The following COG1 variants were observed in gnomAD, a reference collection of about 807,000 sequenced individuals.
COG1 encodes component of oligomeric golgi complex 1.
COG1 carries 61 observed loss-of-function variants against 102.2 expected under a neutral mutation model. The ratio of observed to expected loss-of-function variants is 0.60; its 90% CI spans 0.49 to 0.74. The LOEUF (loss-of-function observed/expected upper bound fraction) is 0.74, where lower values mean the gene tolerates loss of function less well. Ranked by LOEUF, COG1 falls within the 30% of genes least tolerant of loss-of-function variation. The pLI is 0.00. For missense variants in COG1, 1,164 were observed against 1,232.1 expected, an observed-to-expected ratio of 0.94 and a Z score of 0.83; for synonymous variants, 454 against 493.6, an observed-to-expected ratio of 0.92 and a Z score of 1.06.
At chr17:73,198,355 C>T (rs2061333626) in intron 4 of COG1, among the ~76,000 whole-genome samples, 1 of 152,186 alleles carries the variant, frequency 6.6e-6, no homozygotes, top group South Asian at 2.1e-4. Context: ...GTAATCCCAG[C>T]ACTTTGGAAG....
In COG1 at chr17:73,196,703, C is replaced by T. The variant is rs2061326485; in HGVS notation, c.512C>T (p.Ser171Phe). 6.2e-7 allele frequency: 1 copy of T among 1,614,148 alleles called. No homozygotes were observed. Among genetic ancestry groups the T allele is most frequent in the South Asian group, 1.1e-5 (1 of 91,078 alleles). The part of the protein sequence containing the change: ...SSSSRYSPVL[S>F]RFPILIRQVA... ...AGTTCCCGATACAGTCCCGTCCTCT[C>T]CCGGTTTCCTATACTCATCCGGCAG... Residue 171 changes from serine to phenylalanine, a missense_variant, in exon 2 of 14, where the codon TCC becomes TTC. Physicochemically the swap from Ser to Phe is radical, Grantham distance 155. Transcript: ENST00000299886.
rs1378281647 is a variant in COG1 at position 73,201,150 on chromosome 17, C to T, written c.1323C>T (p.Ser441=). 33 of 1,614,112 alleles carry T rather than the reference C, an allele frequency of 2.0e-5. No homozygotes were observed. Among genetic ancestry groups the T allele is most frequent in the Non-Finnish European group, 2.8e-5 (33 of 1,180,052 alleles). Reference sequence around the variant, plus strand: ...GCTTTGACTCCATCTCCAGTAGCTCCAAGGAGCTCTTGGTTTCAGCTTTGC... The same window carrying T: ...GCTTTGACTCCATCTCCAGTAGCTCTAAGGAGCTCTTGGTTTCAGCTTTGC... ...KEGFDSISSS[S]KELLVSALQE... is the part of the protein sequence containing the mutation. The change falls in exon 7 of 14, where the codon TCC becomes TCT. Residue 441 remains serine (S), a synonymous_variant. Coordinates refer to ENST00000299886, the MANE Select transcript of COG1 (RefSeq NM_018714.3).
intron 6 of COG1, 126 bp downstream of exon 6, chr17:73,200,902 T>C: frequency 9.8e-7 from 1 of 1,015,266 alleles, no homozygotes; most frequent in Non-Finnish European, 1.5e-6. Context: ...ATCCAGAGTC[T>C]AGAGCTGAAA....
rs1433677198 is a variant in COG1 at position 73,203,061 on chromosome 17, C to T, written c.2135C>T (p.Thr712Ile). 4 of 1,614,048 alleles carry T rather than the reference C, an allele frequency of 2.5e-6. No individual in the cohort carries two copies. The highest frequency in any genetic ancestry group is 1.7e-5 in the Admixed American group (1 of 60,006). ...LLDDAGSVLA[T>I]ATSWDELEIQ... ...GATGATGCTGGCTCAGTTCTGGCCA[C>T]AGCCACCAGCTGGGATGAGCTAGAA... The change falls in exon 8 of 14, where the codon ACA (threonine) becomes ATA (isoleucine). Residue 712 changes from threonine to isoleucine, a missense_variant. By Grantham distance (89) the Thr-to-Ile change is moderately conservative. Transcript: ENST00000299886.
chr17:73,197,787 G>A (rs2061331436), intron 4 of COG1, among the ~76,000 whole-genome samples: 1 of 152,220 alleles, frequency 6.6e-6, no homozygotes, highest in Non-Finnish European at 1.5e-5. Flanking sequence ...GATGTGCAAA[G>A]ATCCTGAGGC....
At position 73,196,565 on chromosome 17, in the gene COG1, T is replaced by A. The variant is rs774460189; in HGVS notation, c.374T>A (p.Leu125Ter). Reference sequence around the variant, plus strand: ...ATGGCTGCCCAGATCAAGCTACTCTTAGAAATTCCGGAGAAGATCTGGAGC... The same window carrying A: ...ATGGCTGCCCAGATCAAGCTACTCTAAGAAATTCCGGAGAAGATCTGGAGC... ...YSMAAQIKLL[L>*]EIPEKIWSSM... is the part of the protein sequence containing the mutation. Residue 125 changes from leucine (L) to a stop codon, truncating the protein, a stop_gained, in exon 2 of 14, where the codon TTA becomes TAA. Transcript: ENST00000299886. LOFTEE classifies it high-confidence loss of function. 2 of 1,614,100 alleles carry A rather than the reference T, an allele frequency of 1.2e-6. No homozygotes were observed. The highest frequency in any genetic ancestry group is 2.7e-5 in the African/African-American group (2 of 74,926).
intron 9 of COG1, 131 bp from the exon 10 acceptor site, chr17:73,205,422 G>C: frequency 1.1e-6 from 1 of 920,270 alleles, no homozygotes; most frequent in Non-Finnish European, 1.8e-6. Flanking sequence ...GATTAAACTG[G>C]CCATATGAGC....
chr17:73,194,130 C>T (rs1446030781), intron 1 of COG1, among the ~76,000 whole-genome samples: 2 of 152,014 alleles, frequency 1.3e-5, no homozygotes, highest in Non-Finnish European at 2.9e-5. Flanking sequence ...CATATTGGAG[C>T]TGCAGCTTGC....
chr17:73,205,623 T>C lies in COG1; in HGVS notation c.2453T>C (p.Ile818Thr). ...CTTTATGATCTGCGTTACCTCAACA[T>C]TGTTCTGACAGCCAAGGGTGACGAG... ...QLLYDLRYLNIVLTAKGDEVK... is the reference protein window; with the variant it reads ...QLLYDLRYLNTVLTAKGDEVK... Residue 818 changes from isoleucine to threonine, a missense_variant, in exon 10 of 14, where the codon ATT becomes ACT. By Grantham distance (89) the Ile-to-Thr change is moderately conservative (BLOSUM62 -1). Transcript: ENST00000299886. The C allele has an allele frequency of 1.2e-6, 2 of 1,614,152 alleles. No individual in the cohort carries two copies. Among genetic ancestry groups the C allele is most frequent in the East Asian group, 2.2e-5 (1 of 44,886 alleles).
chr17:73,203,435 C>T, intron 8 of COG1, 197 bp from the exon 9 acceptor site: 1 of 745,934 alleles, frequency 1.3e-6, no homozygotes, highest in African/African-American at 1.7e-5. Flanking sequence ...AGATCAGCCT[C>T]AGACCGTGGA....
At chr17:73,201,007 G>T in intron 6 of COG1, 102 bp from the exon 7 acceptor site, 1 of 1,149,008 alleles carries the variant, frequency 8.7e-7, no homozygotes, top group South Asian at 1.3e-5. Flanking sequence ...TTCTGAAGAT[G>T]GTGAACCTTC....
At chr17:73,202,846 G>C (rs896886157) in intron 7 of COG1, 154 bp from the exon 8 acceptor site, 2 of 800,968 alleles carry the variant, frequency 2.5e-6, no homozygotes, top group African/African-American at 3.4e-5. Context: ...TCCCATGGCT[G>C]ATATCATTGA....
At chr17:73,193,464 C>T (rs1307406082) in intron 1 of COG1, 80 bp downstream of exon 1, 8 of 1,352,980 alleles carry the variant, frequency 5.9e-6, no homozygotes, top group Non-Finnish European at 7.6e-6. Context: ...CCGCCCCCCT[C>T]TGTCAGTCCC....
chr17:73,194,331 A>G (rs2061316408), intron 1 of COG1, among the ~76,000 whole-genome samples: 1 of 143,952 alleles, frequency 6.9e-6, no homozygotes, highest in African/African-American at 2.5e-5. Context: ...AGTCCCAGCT[A>G]CCTGGGAGGC....
At chr17:73,198,525 G>A (rs140423360) in intron 4 of COG1, among the ~76,000 whole-genome samples, 2 of 152,342 alleles carry the variant, frequency 1.3e-5, no homozygotes, top group Non-Finnish European at 2.9e-5. Flanking sequence ...GGTTGAGGCT[G>A]AAGTGAGCAG....
At chr17:73,204,591 A>C (rs1599329844) in intron 9 of COG1, among the ~76,000 whole-genome samples, 4 of 122,514 alleles carry the variant, frequency 3.3e-5, no homozygotes, top group East Asian at 2.3e-4. Context: ...ACAGAGTCTC[A>C]CTCTGTCACC....
intron 9 of COG1, chr17:73,205,301 A>G (rs1465949726): frequency 2.0e-6 from 1 of 492,514 alleles, no homozygotes; most frequent in Non-Finnish European, 3.7e-6. Flanking sequence ...TCCCCTTTAG[A>G]ACAACCATTT....
At chr17:73,205,760 T>G (rs2061368098) in intron 10 of COG1, 80 bp downstream of exon 10, 1 of 1,569,256 alleles carries the variant, frequency 6.4e-7, no homozygotes, top group African/African-American at 1.4e-5. Context: ...GCCACCAGAG[T>G]CAGCCTGTTA....
At chr17:73,195,281 G>A (rs762622094) in intron 1 of COG1, among the ~76,000 whole-genome samples, 9 of 152,134 alleles carry the variant, frequency 5.9e-5, no homozygotes, top group Non-Finnish European at 1.3e-4. Context: ...CAACCTGGTC[G>A]AGGAAATAAA....
Sources: gnomAD v4.1 joint callset for allele counts (sites outside exome capture counted in the v4.1 genomes callset) on GRCh38, gnomAD v4.1.1 for gene constraint, MANE v1.5 for transcripts, NCBI Gene and HGNC (gene_info 2026-07-23, HGNC 2026-07-21) for gene names.